TMEM131: variants seen among roughly 807,000 people sequenced by gnomAD.
The protein encoded by TMEM131 is transmembrane protein 131.
A neutral mutation model predicts 211.6 loss-of-function variants in TMEM131; 66 were observed. That is an observed-to-expected ratio of 0.31 (90% CI 0.26 to 0.38). The LOEUF (loss-of-function observed/expected upper bound fraction) is 0.38, where lower values mean the gene tolerates loss of function less well. TMEM131 is among the 10% of genes least tolerant of loss of function. The pLI is 1.00. For synonymous variants in TMEM131, 844 were observed against 841.3 expected (o/e 1.00, Z -0.06); for missense variants, 2,036 against 2,299.3 (o/e 0.89, Z 2.34).
intron 33 of TMEM131, among the ~76,000 whole-genome samples, chr2:97,768,081 T>C (rs190562714): frequency 3.3e-5 from 5 of 152,348 alleles, no homozygotes; most frequent in South Asian, 2.1e-4. Flanking sequence ...TTTTGTTTCG[T>C]TGTATTTCAC....
At chr2:97,963,545 T>A in intron 1 of TMEM131, among the ~76,000 whole-genome samples, 2 of 152,096 alleles carry the variant, frequency 1.3e-5, no homozygotes, top group Non-Finnish European at 2.9e-5. Flanking sequence ...CTAAACCCTG[T>A]CTCTACTAAA....
At chr2:97,811,742 C>T (rs536077750) in intron 17 of TMEM131, among the ~76,000 whole-genome samples, 58 of 152,250 alleles carry the variant, frequency 3.8e-4, no homozygotes, top group Admixed American at 7.2e-4. Flanking sequence ...TATAAGGACA[C>T]TTGCTTTTCC....
chr2:97,984,966 G>A (rs1679961505), intron 1 of TMEM131, among the ~76,000 whole-genome samples: 1 of 152,108 alleles, frequency 6.6e-6, no homozygotes, highest in Non-Finnish European at 1.5e-5. Context: ...AATTCACCAA[G>A]AGAGTTCAGT....
intron 1 of TMEM131, among the ~76,000 whole-genome samples, chr2:97,957,227 CT>C (rs1057510923): frequency 2.2e-4 from 33 of 152,196 alleles, no homozygotes; most frequent in African/African-American, 7.7e-4. Flanking sequence ...TTGGCAACTT[CT>C]AAGCACAATA....
At chr2:97,987,525 A>C (rs901843221) in intron 1 of TMEM131, among the ~76,000 whole-genome samples, 2 of 152,032 alleles carry the variant, frequency 1.3e-5, no homozygotes, top group African/African-American at 4.8e-5. Context: ...AACAAAAACA[A>C]AAAAAAGTCA....
In TMEM131 at chr2:97,972,474, G is replaced by A. The variant is rs1356592431; in HGVS notation, c.187+23002C>T. 1.2e-4 allele frequency among the ~76,000 whole-genome samples: 17 copies of A among 145,138 alleles called. No homozygotes were observed. In the East Asian group the frequency reaches 2.6e-3, roughly 22 times the overall value. ...GGGAGGGGAGGGAGGGAAGGCGGGC[G>A]GGAGGGAGGGAAGGCGGGCAGGCAG... On this transcript the variant is annotated intron_variant, in intron 1 of 40. Transcript: ENST00000186436.
intron 1 of TMEM131, among the ~76,000 whole-genome samples, chr2:97,949,888 C>G (rs533002497): frequency 9.6e-4 from 143 of 148,858 alleles, no homozygotes; most frequent in Middle Eastern, 3.5e-3. Flanking sequence ...CTTTTGGTTA[C>G]TTTTATACAA....
intron 15 of TMEM131, among the ~76,000 whole-genome samples, chr2:97,813,620 T>C (rs1001498789): frequency 6.6e-6 from 1 of 152,236 alleles, no homozygotes; most frequent in Non-Finnish European, 1.5e-5. Context: ...CCTACGTATA[T>C]CCCTCTTCAC....
chr2:97,903,339 G>A (rs1050336390), intron 3 of TMEM131, among the ~76,000 whole-genome samples: 26 of 152,126 alleles, frequency 1.7e-4, no homozygotes, highest in African/African-American at 6.3e-4. Flanking sequence ...AAAATGAACT[G>A]TGACCTCAAT....
intron 11 of TMEM131, among the ~76,000 whole-genome samples, chr2:97,832,727 T>G (rs1000047958): frequency 1.1e-4 from 17 of 152,238 alleles, no homozygotes; most frequent in Admixed American, 1.0e-3. Context: ...GGGGACCTCA[T>G]CAGGGAGAGA....
intron 31 of TMEM131, among the ~76,000 whole-genome samples, chr2:97,781,337 G>GTAGT (rs1287321509): frequency 6.6e-6 from 1 of 152,222 alleles, no homozygotes; most frequent in Admixed American, 6.5e-5. Flanking sequence ...CCTGCTCTGA[G>GTAGT]ACTCACTAAC....
intron 33 of TMEM131, among the ~76,000 whole-genome samples, chr2:97,769,595 C>A (rs1679366122): frequency 6.6e-6 from 1 of 152,114 alleles, no homozygotes; most frequent in South Asian, 2.1e-4. Flanking sequence ...GTTATTTAAG[C>A]AGATTTTTAC....
chr2:97,935,362 C>T (rs1193789394), intron 1 of TMEM131, among the ~76,000 whole-genome samples: 1 of 152,120 alleles, frequency 6.6e-6, no homozygotes, highest in Non-Finnish European at 1.5e-5. Context: ...ACAGGCTACA[C>T]AGGATCTCTC....
rs537019550 is a variant in TMEM131, at chr2:97,879,908, C to T, written c.359+8144G>A. Among the ~76,000 whole-genome samples the T allele has an allele frequency of 5.6e-4, 86 of 152,234 alleles. 1 individual carries two copies. The highest frequency in any genetic ancestry group is 1.8e-3 in the African/African-American group (74 of 41,520). Reference sequence around the variant, plus strand: ...AAAGTTACATGTGAATTTTCAACTACGCAGTGTGGTGGGGAGTCCGTGCCC... The same window carrying T: ...AAAGTTACATGTGAATTTTCAACTATGCAGTGTGGTGGGGAGTCCGTGCCC... On this transcript the variant is annotated intron_variant, in intron 4 of 40. Transcript: ENST00000186436.
intron 5 of TMEM131, among the ~76,000 whole-genome samples, chr2:97,844,625 G>A (rs1321107884): frequency 1.3e-5 from 2 of 152,128 alleles, no homozygotes; most frequent in Non-Finnish European, 2.9e-5. Context: ...ACTAAGCAGT[G>A]ACTTGTTTTA....
At chr2:97,800,630 T>C (rs1680986282) in intron 25 of TMEM131, among the ~76,000 whole-genome samples, 3 of 147,662 alleles carry the variant, frequency 2.0e-5, no homozygotes, top group African/African-American at 7.6e-5. Context: ...TGGTGGCACG[T>C]GCCTGTAATC....
At chr2:97,963,326 C>T (rs1678904212) in intron 1 of TMEM131, among the ~76,000 whole-genome samples, 1 of 152,120 alleles carries the variant, frequency 6.6e-6, no homozygotes, top group Non-Finnish European at 1.5e-5. Context: ...TTATTAATTT[C>T]TTGTATGTTA....
chr2:97,992,675 T>A (rs1680317757), intron 1 of TMEM131, among the ~76,000 whole-genome samples: 1 of 152,226 alleles, frequency 6.6e-6, no homozygotes, highest in African/African-American at 2.4e-5. Context: ...CATAATGGGC[T>A]GCTTTATAAT....
chr2:97,888,203 G>T, intron 3 of TMEM131, 83 bp from the exon 4 acceptor site: 2 of 1,181,370 alleles, frequency 1.7e-6, no homozygotes, highest in Non-Finnish European at 2.4e-6. Context: ...GCTGACTTTT[G>T]TCATAACAAT....
Sources: allele counts gnomAD v4.1 joint callset (sites outside exome capture counted in the v4.1 genomes callset), GRCh38; gene constraint gnomAD v4.1.1; transcripts MANE v1.5; gene names NCBI Gene and HGNC (gene_info 2026-07-23, HGNC 2026-07-21).